PSORS1C1: variants seen among roughly 807,000 people sequenced by gnomAD.
PSORS1C1 encodes psoriasis susceptibility 1 candidate gene 1 protein.
A neutral mutation model predicts 9.4 loss-of-function variants in PSORS1C1; 7 were observed. The observed-to-expected ratio is 0.75, with a 90% CI of 0.42 to 1.40. The LOEUF is 1.40. Among genes scored for constraint, PSORS1C1 ranks in the 40% most tolerant of loss-of-function variants. The pLI is 0.01. For synonymous variants in PSORS1C1, 63 were observed against 69.4 expected, an observed-to-expected ratio of 0.91 and a Z score of 0.46; for missense variants, 146 against 178.1, an observed-to-expected ratio of 0.82 and a Z score of 1.02.
rs540521896 is a variant in PSORS1C1, at chr6:31,128,099, C to A, written c.-64-1470C>A. ...GTCCACTTGGACAGGCAGCCTGTGC[C>A]TGAATTTTCCTGAGGGCTTCAGAGC... On this transcript the variant is annotated intron_variant, in intron 2 of 5. Transcript: ENST00000259881. The surrounding 1 kb of genome is among the most constrained non-coding windows in gnomAD (Gnocchi z 4.3). 2.0e-4 allele frequency among the ~76,000 whole-genome samples: 31 copies of A among 152,306 alleles called. No homozygotes were observed. The highest frequency in any genetic ancestry group is 7.5e-4 in the African/African-American group (31 of 41,562).
At chr6:31,125,142 G>A (rs1053328921) in intron 1 of PSORS1C1, among the ~76,000 whole-genome samples, 3 of 152,170 alleles carry the variant, frequency 2.0e-5, no homozygotes, top group Non-Finnish European at 2.9e-5. Context: ...AATGGAGTGA[G>A]CACGAGGAAG....
chr6:31,123,750 C>T (rs945390896), intron 1 of PSORS1C1, among the ~76,000 whole-genome samples: 2 of 152,228 alleles, frequency 1.3e-5, no homozygotes, highest in Non-Finnish European at 2.9e-5. Flanking sequence ...GCTGTGCCAG[C>T]CTTGGCCCCC....
intron 2 of PSORS1C1, among the ~76,000 whole-genome samples, chr6:31,126,558 A>G (rs1772690506): frequency 6.6e-6 from 1 of 151,988 alleles, no homozygotes; most frequent in Non-Finnish European, 1.5e-5. Flanking sequence ...CCTCTATGGA[A>G]TGGCCTCCTG....
intron 1 of PSORS1C1, among the ~76,000 whole-genome samples, chr6:31,123,012 A>G (rs1407165128): frequency 2.0e-5 from 3 of 152,134 alleles, no homozygotes; most frequent in African/African-American, 7.2e-5. Context: ...TTCCAACACA[A>G]ACTTCCCCTG....
chr6:31,135,250 T>C (rs1773092591), intron 3 of PSORS1C1, among the ~76,000 whole-genome samples: 1 of 151,634 alleles, frequency 6.6e-6, no homozygotes, highest in Admixed American at 6.6e-5. Context: ...TTATTTATTA[T>C]TTTTGAGATG....
At chr6:31,117,289 C>T in intron 1 of PSORS1C1, 1 of 1,597,336 alleles carries the variant, frequency 6.3e-7, no homozygotes, top group Non-Finnish European at 8.5e-7. Context: ...ATACCCCGTT[C>T]CTGGCTTAAA....
In PSORS1C1 at chr6:31,132,885, G is replaced by T. The variant is rs535986496; in HGVS notation, c.13+3240G>T. Among the ~76,000 whole-genome samples, 9 of 151,870 alleles carry T rather than the reference G, an allele frequency of 5.9e-5. No homozygotes were observed. In the South Asian group the frequency reaches 1.7e-3, roughly 28 times the overall value. ...AAAGTAATGAGGGTGGGGAGGAGTGGAAAGGGAGTGGGAAAGTGGGACCCA... is the reference window on the plus strand; with the variant it reads ...AAAGTAATGAGGGTGGGGAGGAGTGTAAAGGGAGTGGGAAAGTGGGACCCA... On this transcript the variant is annotated intron_variant, in intron 3 of 5. Coordinates refer to ENST00000259881, the MANE Select transcript of PSORS1C1 (RefSeq NM_014068.3).
At chr6:31,117,570 T>C (rs1373309609) in intron 1 of PSORS1C1, 1 of 1,520,228 alleles carries the variant, frequency 6.6e-7, no homozygotes, top group South Asian at 1.2e-5. Flanking sequence ...CAAGGAGGCT[T>C]GGCTTCCTCC....
intron 1 of PSORS1C1, chr6:31,117,633 G>C (rs920875874): frequency 1.9e-5 from 18 of 944,804 alleles, no homozygotes; most frequent in Non-Finnish European, 2.8e-5. Flanking sequence ...CTCCCAAGCA[G>C]AGCGCAGGGA....
At chr6:31,127,508 G>T (rs6932435) in intron 2 of PSORS1C1, among the ~76,000 whole-genome samples, 1 of 151,464 alleles carries the variant, frequency 6.6e-6, no homozygotes, top group Admixed American at 6.6e-5. Context: ...TCGGTGCCGA[G>T]GTCTGCCCAT....
intron 2 of PSORS1C1, among the ~76,000 whole-genome samples, chr6:31,126,601 C>A (rs1484786082): frequency 6.6e-6 from 1 of 152,198 alleles, no homozygotes; most frequent in African/African-American, 2.4e-5. Context: ...ACTTTCCACT[C>A]TTCCCATGCC....
At chr6:31,118,653 G>A (rs1037090503) in intron 1 of PSORS1C1, 1 of 152,020 alleles carries the variant, frequency 6.6e-6, no homozygotes, top group Middle Eastern at 3.2e-3. Context: ...TTTCACCTGC[G>A]TTCCTTCTGC....
At position 31,138,991 on chromosome 6, in the gene PSORS1C1, G is replaced by A. The variant is rs1396986700; in HGVS notation, c.167+212G>A. ...CCTCACCTCTGGTGTGCAGGCAAAGGACCAGGATCCCCAGGAGCTTCCAGT... is the reference window on the plus strand; with the variant it reads ...CCTCACCTCTGGTGTGCAGGCAAAGAACCAGGATCCCCAGGAGCTTCCAGT... On this transcript the variant is annotated intron_variant, in intron 5 of 5. Coordinates refer to ENST00000259881, the MANE Select transcript of PSORS1C1 (RefSeq NM_014068.3). 1.9e-6 allele frequency: 3 copies of A among 1,613,954 alleles called. No homozygotes were observed. In the African/African-American group the frequency reaches 4.0e-5, roughly 22 times the overall value.
intron 1 of PSORS1C1, chr6:31,117,609 G>C: frequency 8.2e-7 from 1 of 1,219,912 alleles, no homozygotes; most frequent in South Asian, 1.3e-5. Context: ...CTCAGTCATC[G>C]GCCTCTCGGG....
chr6:31,120,845 G>A (rs946594904), intron 1 of PSORS1C1, among the ~76,000 whole-genome samples: 2 of 152,048 alleles, frequency 1.3e-5, no homozygotes, highest in African/African-American at 4.8e-5. Context: ...GCAGTCGTGG[G>A]TGTTTCAGCT....
Position 31,139,209 on chromosome 6 carries a change from C to G in PSORS1C1, c.167+430C>G. 1.7e-6 allele frequency: 1 copy of G among 600,204 alleles called. No individual in the cohort carries two copies. The highest frequency in any genetic ancestry group is 3.0e-6 in the Non-Finnish European group (1 of 337,632). 37.2% of individuals were successfully genotyped at this position (600,204 alleles called of 1,614,324 possible). A position where few individuals can be genotyped will look rare whatever the true frequency, so the allele number is the denominator to read the frequency against. ...ATGTGTCACCCCTGAAGGTGGCGTC[C>G]CTTATTTTAGTCCTCCAGCCCAGGA... is the stretch of plus-strand genomic sequence containing the variant. On this transcript the variant is annotated intron_variant, in intron 5 of 5. Transcript: ENST00000259881. This position sits in a 1 kb window ranked among gnomAD's most constrained non-coding sequence, Gnocchi z 5.2.
At chr6:31,126,536 CA>C (rs3839619) in intron 2 of PSORS1C1, among the ~76,000 whole-genome samples, 36,948 of 151,930 alleles carry the variant, frequency 0.24, 4,838 homozygotes, top group Middle Eastern at 0.37. Flanking sequence ...GCTCCTGGTC[CA>C]ATGGCTCTCT....
chr6:31,138,737 A>G lies in PSORS1C1; in HGVS notation c.125A>G (p.Asn42Ser), dbSNP rs1386240460. 1 of 1,613,764 alleles carries G rather than the reference A, an allele frequency of 6.2e-7. No individual in the cohort carries two copies. Among genetic ancestry groups the G allele is most frequent in the Non-Finnish European group, 8.5e-7 (1 of 1,179,972 alleles). The change falls in exon 5 of 6, where the codon AAT (asparagine) becomes AGT (serine). Residue 42 changes from asparagine to serine, a missense_variant. By Grantham distance (46) the Asn-to-Ser change is conservative. Coordinates refer to ENST00000259881, the MANE Select transcript of PSORS1C1 (RefSeq NM_014068.3). The stretch of plus-strand genomic sequence containing the variant: ...GAGGAAACTCGTCCCCCCCACGTTA[A>G]TCCTGACCGACTTTGCCACATGGAG... Reference protein sequence around the residue: ...SSEETRPPHVNPDRLCHMEPA... With the variant: ...SSEETRPPHVSPDRLCHMEPA...
At chr6:31,116,687 C>T in intron 1 of PSORS1C1, 1 of 1,612,738 alleles carries the variant, frequency 6.2e-7, no homozygotes, top group Non-Finnish European at 8.5e-7. Flanking sequence ...TAGGTCATGC[C>T]TGGAACCAGA....
Sources: allele counts gnomAD v4.1 joint callset (sites outside exome capture counted in the v4.1 genomes callset), GRCh38; gene constraint gnomAD v4.1.1; non-coding constraint Gnocchi (gnomAD v3.1); transcripts MANE v1.5; gene names NCBI Gene and HGNC (gene_info 2026-07-23, HGNC 2026-07-21).